KCNMA1: variants seen among roughly 807,000 people sequenced by gnomAD.
The protein encoded by KCNMA1 is potassium calcium-activated channel subfamily M alpha 1, also known as Calcium-activated potassium channel subunit alpha-1.
In KCNMA1, 29 loss-of-function variants were observed where a neutral mutation model predicts 140.0. The observed-to-expected ratio is 0.21, with a 90% CI of 0.15 to 0.28. The LOEUF (loss-of-function observed/expected upper bound fraction) is 0.28. Among genes scored for constraint, KCNMA1 ranks in the 10% least tolerant of loss-of-function variants. The pLI, the probability that KCNMA1 is intolerant of heterozygous loss-of-function variation, is 1.00. For missense variants in KCNMA1, 880 were observed against 1,602.2 expected (o/e 0.55, Z 7.70); for synonymous variants, 612 against 611.9 (o/e 1.00, Z 0.00).
chr10:77,520,262 G>GTGAGGATGTGCAGTA (rs2052809522), intron 1 of KCNMA1, among the ~76,000 whole-genome samples: 1 of 151,734 alleles, frequency 6.6e-6, no homozygotes, highest in Non-Finnish European at 1.5e-5. Context: ...GGTGTGCAGT[G>GTGAGGATGTGCAGTA]TGAGGTCTGG....
At chr10:77,319,748 C>G (rs1036107296) in intron 2 of KCNMA1, among the ~76,000 whole-genome samples, 2 of 152,252 alleles carry the variant, frequency 1.3e-5, no homozygotes, top group Non-Finnish European at 2.9e-5. Flanking sequence ...CAGTTCACCA[C>G]TGCCTCCTGC....
chr10:77,070,441 G>A (rs1239985977), intron 14 of KCNMA1, among the ~76,000 whole-genome samples: 6 of 152,110 alleles, frequency 3.9e-5, no homozygotes, highest in Non-Finnish European at 8.8e-5. Context: ...AAACAGACAC[G>A]ACCGGCCTAG....
chr10:76,980,889 A>T (rs1403751120), intron 19 of KCNMA1, among the ~76,000 whole-genome samples: 1 of 152,200 alleles, frequency 6.6e-6, no homozygotes, highest in Non-Finnish European at 1.5e-5. Flanking sequence ...TTAAAGCCAC[A>T]TTGTTGGGTC....
chr10:77,053,631 A>T (rs2095446495), intron 14 of KCNMA1, among the ~76,000 whole-genome samples: 1 of 152,214 alleles, frequency 6.6e-6, no homozygotes, highest in Non-Finnish European at 1.5e-5. Flanking sequence ...ACAAAATTGT[A>T]AGCACTGTAG....
At chr10:76,965,160 G>C (rs4979880) in intron 20 of KCNMA1, among the ~76,000 whole-genome samples, 36,703 of 152,042 alleles carry the variant, frequency 0.24, 4,641 homozygotes, top group East Asian at 0.47. Context: ...TCCTTACAAG[G>C]CACCACCCCA....
intron 3 of KCNMA1, among the ~76,000 whole-genome samples, chr10:77,225,942 G>A (rs56939831): frequency 0.01 from 1,526 of 152,292 alleles, 21 homozygotes; most frequent in African/African-American, 0.034. Flanking sequence ...TCCAAGCTTA[G>A]GAGGCATCTT....
chr10:76,935,255 C>T (rs2060257335), intron 23 of KCNMA1, among the ~76,000 whole-genome samples: 1 of 152,212 alleles, frequency 6.6e-6, no homozygotes, highest in African/African-American at 2.4e-5. Context: ...GTGCAAGGAC[C>T]AGTTTAGAAG....
At chr10:77,043,133 C>T (rs1452287012) in intron 14 of KCNMA1, among the ~76,000 whole-genome samples, 2 of 152,192 alleles carry the variant, frequency 1.3e-5, no homozygotes, top group African/African-American at 2.4e-5. Context: ...AAACAAAATG[C>T]CTCTTCCACA....
intron 2 of KCNMA1, among the ~76,000 whole-genome samples, chr10:77,262,448 G>A (rs1484059688): frequency 6.6e-6 from 1 of 152,118 alleles, no homozygotes; most frequent in Non-Finnish European, 1.5e-5. Flanking sequence ...TGGGTACAGA[G>A]TTTCTGTTTT....
At chr10:77,152,710 G>A (rs988471731) in intron 5 of KCNMA1, among the ~76,000 whole-genome samples, 1 of 152,184 alleles carries the variant, frequency 6.6e-6, no homozygotes, top group Non-Finnish European at 1.5e-5. Flanking sequence ...TTCAGTGACT[G>A]GAGAAAGTCC....
chr10:77,331,077 A>T (rs2086214369), intron 2 of KCNMA1, among the ~76,000 whole-genome samples: 1 of 152,114 alleles, frequency 6.6e-6, no homozygotes, highest in African/African-American at 2.4e-5. Flanking sequence ...CTCCAGTCTA[A>T]GTCCAGTGTC....
At chr10:77,012,674 G>T (rs1400867464) in intron 17 of KCNMA1, 18 of 812,846 alleles carry the variant, frequency 2.2e-5, no homozygotes, top group Non-Finnish European at 3.6e-5. Context: ...ATGCTATCCA[G>T]CCCTGAGAAC....
intron 14 of KCNMA1, among the ~76,000 whole-genome samples, chr10:77,050,234 C>T (rs1665417559): frequency 1.3e-5 from 2 of 150,494 alleles, no homozygotes; most frequent in South Asian, 4.2e-4. Context: ...TTCATTATTC[C>T]TAAATTCTAA....
At chr10:77,183,298 C>A in intron 5 of KCNMA1, 123 bp downstream of exon 5, 1 of 735,196 alleles carries the variant, frequency 1.4e-6, no homozygotes, top group Non-Finnish European at 2.5e-6. Flanking sequence ...TCCAAGAGCC[C>A]GTTGTTCACA....
intron 2 of KCNMA1, among the ~76,000 whole-genome samples, chr10:77,333,339 C>A (rs1466961215): frequency 8.4e-6 from 1 of 118,826 alleles, no homozygotes; most frequent in African/African-American, 3.5e-5. Context: ...CATAGAGAGA[C>A]CCATGTCTAC....
intron 25 of KCNMA1, among the ~76,000 whole-genome samples, chr10:76,908,521 C>T (rs994373110): frequency 2.0e-5 from 3 of 152,174 alleles, no homozygotes; most frequent in African/African-American, 7.2e-5. Flanking sequence ...TACAGAATAA[C>T]CCAAATTAGT....
At chr10:77,323,002 C>T (rs1211957155) in intron 2 of KCNMA1, among the ~76,000 whole-genome samples, 2 of 152,188 alleles carry the variant, frequency 1.3e-5, no homozygotes, top group African/African-American at 4.8e-5. Context: ...GGAACTAAGA[C>T]CACGTAATTG....
chr10:77,498,957 C>T (rs768061388), intron 1 of KCNMA1: 3 of 152,188 alleles, frequency 2.0e-5, no homozygotes, highest in Non-Finnish European at 4.4e-5. Flanking sequence ...TAGGGCTCAA[C>T]CCTCTGGACA....
In KCNMA1 at chr10:77,494,304, C is replaced by T. The variant is rs144545707; in HGVS notation, c.379-90281G>A. Among the ~76,000 whole-genome samples, 114 of 152,274 alleles carry T rather than the reference C, an allele frequency of 7.5e-4. 1 individual carries two copies. The highest frequency in any genetic ancestry group is 2.6e-3 in the African/African-American group (110 of 41,558). On this transcript the variant is annotated intron_variant, in intron 1 of 27. Coordinates refer to ENST00000286628, the MANE Select transcript of KCNMA1 (RefSeq NM_001161352.2). ...ACCCAGTGCCTCCTTTGCTTCAGGC[C>T]AGGGCTGAATAGGTACTTAGGACAT... is the stretch of plus-strand genomic sequence containing the variant.
Sources: allele counts gnomAD v4.1 joint callset (sites outside exome capture counted in the v4.1 genomes callset), GRCh38; gene constraint gnomAD v4.1.1; transcripts MANE v1.5; gene names NCBI Gene and HGNC (gene_info 2026-07-23, HGNC 2026-07-21).